Variants in COL4A2 observed in about 807,000 individuals in gnomAD.
COL4A2 encodes collagen alpha-2(IV) chain.
In COL4A2, 99 loss-of-function variants were observed where a neutral mutation model predicts 200.2. The ratio of observed to expected loss-of-function variants is 0.49; its 90% CI spans 0.42 to 0.58. COL4A2 has a LOEUF of 0.58. Ranked by LOEUF, COL4A2 falls within the 20% of genes least tolerant of loss-of-function variation. The pLI is 0.00. For missense variants in COL4A2, 1,950 were observed against 2,314.1 expected (o/e 0.84, Z 3.23); for synonymous variants, 897 against 900.6 (o/e 1.00, Z 0.07).
At chr13:110,435,001 A>T (rs1010911765) in intron 12 of COL4A2, among the ~76,000 whole-genome samples, 1 of 152,230 alleles carries the variant, frequency 6.6e-6, no homozygotes, top group Non-Finnish European at 1.5e-5. Context: ...AACCTCACCA[A>T]CACAGTCCCA....
chr13:110,412,888 C>T (rs753698132), intron 4 of COL4A2, among the ~76,000 whole-genome samples: 6 of 152,198 alleles, frequency 3.9e-5, no homozygotes, highest in Admixed American at 6.5e-5. Flanking sequence ...TGGTGGTCTC[C>T]TTTTTTATGA....
intron 3 of COL4A2, among the ~76,000 whole-genome samples, chr13:110,339,598 CAG>C (rs1302667302): frequency 6.6e-6 from 1 of 152,138 alleles, no homozygotes; most frequent in African/African-American, 2.4e-5. Flanking sequence ...AAAACAAAAA[CAG>C]AGTCAAAAGT....
chr13:110,488,789 C>T (rs568036854), intron 34 of COL4A2, among the ~76,000 whole-genome samples: 2 of 152,220 alleles, frequency 1.3e-5, no homozygotes, highest in African/African-American at 2.4e-5. Flanking sequence ...CATGTGCACG[C>T]GGGAAAGCAT....
chr13:110,479,474 G>A (rs1281872277), intron 30 of COL4A2, among the ~76,000 whole-genome samples: 1 of 152,252 alleles, frequency 6.6e-6, no homozygotes, highest in East Asian at 1.9e-4. Context: ...AATTGCCCAG[G>A]GAACACTTTG....
At chr13:110,486,217 C>G (rs970298839) in intron 34 of COL4A2, among the ~76,000 whole-genome samples, 3 of 152,196 alleles carry the variant, frequency 2.0e-5, no homozygotes, top group Non-Finnish European at 4.4e-5. Flanking sequence ...GGCCCGGCAG[C>G]CTGGCTTCCC....
intron 4 of COL4A2, among the ~76,000 whole-genome samples, chr13:110,414,822 T>C (rs1879979858): frequency 6.6e-6 from 1 of 152,264 alleles, no homozygotes; most frequent in African/African-American, 2.4e-5. Context: ...TGTTTTTGTA[T>C]CATAATGTAT....
At chr13:110,499,014 A>C (rs375685) in intron 40 of COL4A2, among the ~76,000 whole-genome samples, 85,221 of 152,212 alleles carry the variant, frequency 0.56, 24,418 homozygotes, top group South Asian at 0.66. Flanking sequence ...GACACTGCCC[A>C]GTGCCATTGG....
At chr13:110,399,834 G>A (rs914034265) in intron 4 of COL4A2, among the ~76,000 whole-genome samples, 3 of 152,202 alleles carry the variant, frequency 2.0e-5, no homozygotes, top group South Asian at 2.1e-4. Flanking sequence ...TCTGTTTTGA[G>A]GGTAAGAGAA....
rs551854162 is a variant in COL4A2 at position 110,354,451 on chromosome 13, A to G, written c.100-3021A>G. Among the ~76,000 whole-genome samples, 4 of 152,314 alleles carry G rather than the reference A, an allele frequency of 2.6e-5. No individual in the cohort carries two copies. The East Asian group carries it at 7.7e-4, about 29-fold the overall frequency. On this transcript the variant is annotated intron_variant, in intron 3 of 47. Coordinates refer to ENST00000360467, the MANE Select transcript of COL4A2 (RefSeq NM_001846.4). The stretch of plus-strand genomic sequence containing the variant: ...CATTGGAGCCATTGAAAAATTGGCA[A>G]ATACCTAGGATCGTGTTTTCAGGGC...
rs374751861 is a variant in COL4A2 at position 110,436,373 on chromosome 13, G to A, written c.825+6G>A. ...TCCACCCAGATCAGTACAAGGTAAA[G>A]AGCAAAATTGACTCTTTTCATAGTT... On this transcript the variant is annotated splice_donor_region_variant and intron_variant, in intron 13 of 47. Transcript: ENST00000360467. 1.9e-6 allele frequency: 3 copies of A among 1,608,618 alleles called. No individual in the cohort carries two copies. The South Asian group carries it at 3.3e-5, about 18-fold the overall frequency.
intron 6 of COL4A2, among the ~76,000 whole-genome samples, chr13:110,427,676 C>G (rs1164230592): frequency 6.6e-6 from 1 of 152,090 alleles, no homozygotes; most frequent in Non-Finnish European, 1.5e-5. Context: ...GATTATTAAC[C>G]CAGCCCCTGT....
At chr13:110,452,884 T>G (rs1312803658) in intron 20 of COL4A2, among the ~76,000 whole-genome samples, 1 of 152,100 alleles carries the variant, frequency 6.6e-6, no homozygotes, top group Admixed American at 6.5e-5. Context: ...CACCTCAGCC[T>G]CTTGAGCAGC....
intron 20 of COL4A2, among the ~76,000 whole-genome samples, chr13:110,455,559 G>A (rs566221869): frequency 2.6e-4 from 39 of 152,242 alleles, no homozygotes; most frequent in African/African-American, 7.7e-4. Context: ...GTGTCTCCAC[G>A]TCTAAGCTGT....
intron 4 of COL4A2, among the ~76,000 whole-genome samples, chr13:110,410,344 T>G (rs1311169899): frequency 1.3e-5 from 2 of 152,240 alleles, no homozygotes; most frequent in African/African-American, 4.8e-5. Context: ...GTCAAATGTA[T>G]GTTTAGATAC....
rs116495098 is a variant in COL4A2 at position 110,485,063 on chromosome 13, C to T, written c.3025+36C>T. 1.1e-3 allele frequency: 1,739 copies of T among 1,528,178 alleles called. 18 individuals are homozygous for T. In the African/African-American group the frequency reaches 0.021, roughly 19 times the overall value. The allele number at this position is 1,528,178 out of a possible 1,614,324, so 94.7% of individuals were successfully genotyped here. A position where few individuals can be genotyped will look rare whatever the true frequency, so the allele number is the denominator to read the frequency against. On this transcript the variant is annotated intron_variant, in intron 33 of 47. Coordinates refer to ENST00000360467, the MANE Select transcript of COL4A2 (RefSeq NM_001846.4). Reference sequence around the variant, plus strand: ...TGACCTGCAGCCAGGGGCCCCTAGTCCCTGCCGCCCCAGCCCGCACCAGCT... The same window carrying T: ...TGACCTGCAGCCAGGGGCCCCTAGTTCCTGCCGCCCCAGCCCGCACCAGCT...
intron 29 of COL4A2, 21 bp from the exon 30 acceptor site, chr13:110,477,982 T>C: frequency 6.5e-7 from 1 of 1,536,346 alleles, no homozygotes; most frequent in Non-Finnish European, 8.8e-7. Context: ...CCCCCACAGC[T>C]CTTGTCTCTG....
At chr13:110,399,645 T>C (rs773431024) in intron 4 of COL4A2, among the ~76,000 whole-genome samples, 4 of 152,210 alleles carry the variant, frequency 2.6e-5, no homozygotes, top group Non-Finnish European at 4.4e-5. Flanking sequence ...TTGTGAAATA[T>C]ATGAAAATAT....
At chr13:110,445,727 A>G in intron 16 of COL4A2, 102 bp from the exon 17 acceptor site, 2 of 1,445,882 alleles carry the variant, frequency 1.4e-6, no homozygotes, top group Non-Finnish European at 1.9e-6. Context: ...CATGACTTTA[A>G]TAAACTGTTG....
At chr13:110,397,545 A>C (rs1594190924) in intron 4 of COL4A2, among the ~76,000 whole-genome samples, 1 of 152,362 alleles carries the variant, frequency 6.6e-6, no homozygotes, top group East Asian at 1.9e-4. Flanking sequence ...CATATTTCAC[A>C]ATCTTGGCAA....
Sources: allele counts gnomAD v4.1 joint callset (sites outside exome capture counted in the v4.1 genomes callset), GRCh38; gene constraint gnomAD v4.1.1; transcripts MANE v1.5; gene names NCBI Gene and HGNC (gene_info 2026-07-23, HGNC 2026-07-21).